The following DGAT1 variants were observed in gnomAD, a reference collection of about 807,000 sequenced individuals.
DGAT1 encodes diacylglycerol O-acyltransferase 1.
Under a neutral mutation model 72.6 loss-of-function variants are expected in DGAT1, and 60 were observed. That is an observed-to-expected ratio of 0.83 (90% CI 0.67 to 1.02). The LOEUF is 1.02. Ranked by LOEUF, DGAT1 falls within the 50% of genes least tolerant of loss-of-function variation. The pLI, the probability that DGAT1 is intolerant of heterozygous loss-of-function variation, is 0.00. For synonymous variants in DGAT1, 290 were observed against 267.5 expected (o/e 1.08, Z -0.82); for missense variants, 592 against 670.0 (o/e 0.88, Z 1.29).
In DGAT1 at chr8:144,316,475, C is replaced by A; in HGVS notation, c.*79G>T. ...GCTGTGCAGCCAGGCCCATCCCCAG[C>A]ACTCGAGGCCTAGGAGGAGAGGTGG... On this transcript the variant is annotated 3_prime_UTR_variant, in exon 17 of 17. Coordinates refer to ENST00000528718, the MANE Select transcript of DGAT1 (RefSeq NM_012079.6). 6.8e-7 allele frequency: 1 copy of A among 1,477,788 alleles called. No homozygotes were observed. Among genetic ancestry groups the A allele is most frequent in the Non-Finnish European group, 9.0e-7 (1 of 1,107,580 alleles). The allele number at this position is 1,477,788 out of a possible 1,614,324, so 91.5% of individuals were successfully genotyped here. A position where few individuals can be genotyped will look rare whatever the true frequency, so the allele number is the denominator to read the frequency against.
In DGAT1 at chr8:144,318,737, CAA is replaced by C. The variant is rs1817344544; in HGVS notation, c.428_429del (p.Phe143CysfsTer8). On this transcript the variant is annotated frameshift_variant, in exon 5 of 17. Transcript: ENST00000528718. LOFTEE classifies it high-confidence loss of function. Reference sequence around the variant, plus strand: ...TTCTCAACCTGGAATGCAGCCACAGCAAAGACATTGGCCGCTGTGGACAGAAG... The same window carrying C: ...TTCTCAACCTGGAATGCAGCCACAGCAGACATTGGCCGCTGTGGACAGAAG... ...APCLVIAANVFAVAAFQVEKR... is the reference protein window; with the variant it reads ...APCLVIAANVXAVAAFQVEKR... The C allele has an allele frequency of 2.5e-6, 4 of 1,607,962 alleles. No individual in the cohort carries two copies. The highest frequency in any genetic ancestry group is 3.4e-6 in the Non-Finnish European group (4 of 1,177,558).
In DGAT1 at chr8:144,315,337, C is replaced by T; in HGVS notation, c.*1217G>A. On this transcript the variant is annotated 3_prime_UTR_variant, in exon 17 of 17. Transcript: ENST00000528718. Reference sequence around the variant, plus strand: ...CCATCTCAGGGCCCACCAGCCCCCACTGGGGTAGAGGGAGGATACCACCAA... The same window carrying T: ...CCATCTCAGGGCCCACCAGCCCCCATTGGGGTAGAGGGAGGATACCACCAA... 1 of 985,478 alleles carries T rather than the reference C, an allele frequency of 1.0e-6. No homozygotes were observed. 61.0% of individuals were successfully genotyped at this position (985,478 alleles called of 1,614,324 possible).
Position 144,315,278 on chromosome 8 carries a change from A to G in DGAT1, c.*1276T>C, listed in dbSNP as rs1817162139. 1 of 985,352 alleles carries G rather than the reference A, an allele frequency of 1.0e-6. No homozygotes were observed. Among genetic ancestry groups the G allele is most frequent in the African/African-American group, 1.7e-5 (1 of 57,238 alleles). The allele number at this position is 985,352 out of a possible 1,614,324, so 61.0% of individuals were successfully genotyped here. On this transcript the variant is annotated 3_prime_UTR_variant, in exon 17 of 17. Transcript: ENST00000528718. ...TCCCCCCACCAGGAGCTCACCCACTACTGCCATCCTCAGCAGGGCCCAAGG... is the reference window on the plus strand; with the variant it reads ...TCCCCCCACCAGGAGCTCACCCACTGCTGCCATCCTCAGCAGGGCCCAAGG...
chr8:144,318,927 G>A lies in DGAT1; in HGVS notation c.330-7C>T. ...GTCCACCAGGATGCCATACCTGGGGGTGGAGGGATGGGGGTCTGAGTGGGT... is the reference window on the plus strand; with the variant it reads ...GTCCACCAGGATGCCATACCTGGGGATGGAGGGATGGGGGTCTGAGTGGGT... On this transcript the variant is annotated splice_region_variant and splice_polypyrimidine_tract_variant and intron_variant, in intron 3 of 16. Coordinates refer to ENST00000528718, the MANE Select transcript of DGAT1 (RefSeq NM_012079.6). 2.5e-6 allele frequency: 4 copies of A among 1,607,566 alleles called. No individual in the cohort carries two copies. The highest frequency in any genetic ancestry group is 1.1e-5 in the South Asian group (1 of 90,186).
chr8:144,315,611 T>TATCCAGCTTGG lies in DGAT1; in HGVS notation c.*932_*942dup. Reference sequence around the variant, plus strand: ...CGCTACCATCAAGGGGGGCCCCATCTATCCAGCTTGGTGGATTGCAGGGCC... The same window carrying TATCCAGCTTGG: ...CGCTACCATCAAGGGGGGCCCCATCTATCCAGCTTGGATCCAGCTTGGTGGATTGCAGGGCC... On this transcript the variant is annotated 3_prime_UTR_variant, in exon 17 of 17. Coordinates refer to ENST00000528718, the MANE Select transcript of DGAT1 (RefSeq NM_012079.6). 1 of 985,606 alleles carries TATCCAGCTTGG rather than the reference T, an allele frequency of 1.0e-6. No homozygotes were observed. Among genetic ancestry groups the TATCCAGCTTGG allele is most frequent in the Non-Finnish European group, 1.2e-6 (1 of 830,042 alleles). The allele number at this position is 985,606 out of a possible 1,614,324, so 61.1% of individuals were successfully genotyped here.
rs1427269112 is a variant in DGAT1 at position 144,316,044 on chromosome 8, C to T, written c.*510G>A. Reference sequence around the variant, plus strand: ...CACTGAGGGCCAGAGTGCCGATTCCCGCACACCCAGCAGGAGTAGCACCAG... The same window carrying T: ...CACTGAGGGCCAGAGTGCCGATTCCTGCACACCCAGCAGGAGTAGCACCAG... On this transcript the variant is annotated 3_prime_UTR_variant, in exon 17 of 17. Transcript: ENST00000528718. 1.8e-6 allele frequency: 1 copy of T among 562,994 alleles called. No individual in the cohort carries two copies. The highest frequency in any genetic ancestry group is 2.3e-6 in the Non-Finnish European group (1 of 441,614). 34.9% of individuals were successfully genotyped at this position (562,994 alleles called of 1,614,324 possible).
intron 2 of DGAT1, 126 bp from the exon 3 acceptor site, chr8:144,319,194 AC>A: frequency 9.1e-7 from 1 of 1,095,736 alleles, no homozygotes; most frequent in Non-Finnish European, 1.3e-6. Context: ...AGGCTTGCAG[AC>A]CCAGCCCTGT....
chr8:144,323,344 C>A (rs568643337), intron 1 of DGAT1, among the ~76,000 whole-genome samples: 1 of 152,126 alleles, frequency 6.6e-6, no homozygotes, highest in African/African-American at 2.4e-5. Flanking sequence ...CCTTCCTCAA[C>A]CCAGCCACAG....
chr8:144,317,972 T>G lies in DGAT1; in HGVS notation c.797A>C (p.Asn266Thr). ...LFAPTLCYEL[N>T]FPRSPRIRKR... ...CCGGATGCGGGGAGAGCGGGGAAAG[T>G]TGAGCTCGTAGCACAAGGTGGGGGC... Residue 266 changes from asparagine to threonine, a missense_variant, in exon 9 of 17, where the codon AAC becomes ACC. By Grantham distance (65) the Asn-to-Thr change is moderately conservative. Coordinates refer to ENST00000528718, the MANE Select transcript of DGAT1 (RefSeq NM_012079.6). 1 of 1,519,488 alleles carries G rather than the reference T, an allele frequency of 6.6e-7. No individual in the cohort carries two copies. The highest frequency in any genetic ancestry group is 8.8e-7 in the Non-Finnish European group (1 of 1,136,190). The allele number at this position is 1,519,488 out of a possible 1,614,324, so 94.1% of individuals were successfully genotyped here. A position where few individuals can be genotyped will look rare whatever the true frequency, so the allele number is the denominator to read the frequency against.
At chr8:144,322,059 C>A (rs1254110492) in intron 1 of DGAT1, among the ~76,000 whole-genome samples, 4 of 152,180 alleles carry the variant, frequency 2.6e-5, no homozygotes, top group African/African-American at 9.7e-5. Flanking sequence ...AGGAACCCAC[C>A]CGGGGCTAGG....
chr8:144,316,783 G>A, intron 16 of DGAT1, 70 bp downstream of exon 16: 1 of 1,596,768 alleles, frequency 6.3e-7, no homozygotes, highest in Non-Finnish European at 8.5e-7. Context: ...CTGGGCATGG[G>A]GAGGGTCAGC....
rs1406821498 is a variant in DGAT1, at chr8:144,314,634, C to T, written c.*1920G>A. 6 of 447,074 alleles carry T rather than the reference C, an allele frequency of 1.3e-5. No homozygotes were observed. The highest frequency in any genetic ancestry group is 6.9e-5 in the Admixed American group (2 of 28,948). 27.7% of individuals were successfully genotyped at this position (447,074 alleles called of 1,614,324 possible). On this transcript the variant is annotated 3_prime_UTR_variant, in exon 17 of 17. Coordinates refer to ENST00000528718, the MANE Select transcript of DGAT1 (RefSeq NM_012079.6). ...GGATTTTTACACAACTGTCCCGTTC[C>T]CCGCTCCACAGAGATACACAGATAT...
At chr8:144,324,554 T>G (rs1285067520) in intron 1 of DGAT1, among the ~76,000 whole-genome samples, 1 of 151,918 alleles carries the variant, frequency 6.6e-6, no homozygotes, top group Non-Finnish European at 1.5e-5. Flanking sequence ...AGGCCTCACC[T>G]CTCCATCTAC....
intron 14 of DGAT1, 26 bp downstream of exon 14, chr8:144,317,161 A>G: frequency 6.2e-7 from 1 of 1,609,596 alleles, no homozygotes; most frequent in Middle Eastern, 1.7e-4. Context: ...CATGTTCCAC[A>G]TCACACACAC....
intron 1 of DGAT1, 72 bp from the exon 2 acceptor site, chr8:144,321,480 C>G (rs1273773641): frequency 7.2e-7 from 1 of 1,391,962 alleles, no homozygotes; most frequent in African/African-American, 1.4e-5. Context: ...AGGATCCAGG[C>G]CCCCACCCCA....
Position 144,315,603 on chromosome 8 carries a change from G to GC in DGAT1, c.*950dup. ...TGACCTCCCGCTACCATCAAGGGGG[G>GC]CCCCATCTATCCAGCTTGGTGGATT... On this transcript the variant is annotated 3_prime_UTR_variant, in exon 17 of 17. Coordinates refer to ENST00000528718, the MANE Select transcript of DGAT1 (RefSeq NM_012079.6). The GC allele has an allele frequency of 1.0e-6, 1 of 985,678 alleles. No homozygotes were observed. Among genetic ancestry groups the GC allele is most frequent in the Non-Finnish European group, 1.2e-6 (1 of 830,098 alleles). 61.1% of individuals were successfully genotyped at this position (985,678 alleles called of 1,614,324 possible). A position where few individuals can be genotyped will look rare whatever the true frequency, so the allele number is the denominator to read the frequency against.
At chr8:144,324,761 C>T (rs1817552335) in intron 1 of DGAT1, among the ~76,000 whole-genome samples, 1 of 151,910 alleles carries the variant, frequency 6.6e-6, no homozygotes, top group Non-Finnish European at 1.5e-5. Flanking sequence ...ACCCTCATCT[C>T]ACACTAAAAA....
Position 144,317,726 on chromosome 8 carries a change from C to A in DGAT1, c.895-14G>T. ...GGGGACCATCCACTGCAAAGGAGGG[C>A]ACCACGTCAGCTCCCAGCCATGCCC... On this transcript the variant is annotated splice_polypyrimidine_tract_variant and intron_variant, in intron 10 of 16. Coordinates refer to ENST00000528718, the MANE Select transcript of DGAT1 (RefSeq NM_012079.6). The A allele has an allele frequency of 6.2e-7, 1 of 1,613,742 alleles. No homozygotes were observed. The highest frequency in any genetic ancestry group is 8.5e-7 in the Non-Finnish European group (1 of 1,179,956).
At chr8:144,318,434 G>A (rs782381536) in intron 6 of DGAT1, 27 bp downstream of exon 6, 2 of 1,605,870 alleles carry the variant, frequency 1.2e-6, no homozygotes, top group Non-Finnish European at 1.7e-6. Context: ...GCCCGAGACA[G>A]ATGGGCAGGG....
Sources: gnomAD v4.1 joint callset for allele counts (sites outside exome capture counted in the v4.1 genomes callset) on GRCh38, gnomAD v4.1.1 for gene constraint, MANE v1.5 for transcripts, NCBI Gene and HGNC (gene_info 2026-07-23, HGNC 2026-07-21) for gene names.